Variants in ERC1 observed in about 807,000 individuals in gnomAD.
ERC1 encodes ELKS/RAB6-interacting/CAST family member 1.
In ERC1, 56 loss-of-function variants were observed where a neutral mutation model predicts 132.0. The ratio of observed to expected loss-of-function variants is 0.42; its 90% confidence interval spans 0.34 to 0.53. ERC1 has a LOEUF of 0.53. Among genes scored for constraint, ERC1 ranks in the 20% least tolerant of loss-of-function variants. The pLI, the probability that ERC1 is intolerant of heterozygous loss-of-function variation, is 0.03. For synonymous variants in ERC1, 478 were observed against 476.1 expected (o/e 1.00, Z -0.05); for missense variants, 1,202 against 1,349.9 (o/e 0.89, Z 1.72).
intron 2 of ERC1, among the ~76,000 whole-genome samples, chr12:1,032,468 T>C (rs1592818186): frequency 6.6e-6 from 1 of 152,224 alleles, no homozygotes; most frequent in East Asian, 1.9e-4. Context: ...TCAGTGTGTC[T>C]CATCCTTTAT....
intron 3 of ERC1, among the ~76,000 whole-genome samples, chr12:1,095,987 G>A (rs1171657271): frequency 2.0e-5 from 3 of 149,996 alleles, no homozygotes; most frequent in Non-Finnish European, 2.9e-5. Context: ...GTGCAGTGGC[G>A]TGATCTTGGC....
At chr12:1,446,632 A>G (rs1488999391) in intron 18 of ERC1, among the ~76,000 whole-genome samples, 1 of 152,214 alleles carries the variant, frequency 6.6e-6, no homozygotes, top group Non-Finnish European at 1.5e-5. Context: ...ATTAAAGATG[A>G]CAGTGAAAAC....
intron 1 of ERC1, among the ~76,000 whole-genome samples, chr12:992,711 C>T (rs1959846348): frequency 6.6e-6 from 1 of 152,208 alleles, no homozygotes; most frequent in Non-Finnish European, 1.5e-5. Context: ...ATCTTCTTTT[C>T]TGGATTCTTG....
intron 2 of ERC1, among the ~76,000 whole-genome samples, chr12:1,054,949 G>A (rs1262271422): frequency 1.3e-5 from 2 of 152,242 alleles, no homozygotes; most frequent in African/African-American, 4.8e-5. Flanking sequence ...TTAGCTTCAA[G>A]AATGGAATTA....
In ERC1 at chr12:1,006,499, T is replaced by G. The variant is rs1340974864; in HGVS notation, c.-157+15177T>G. 3.3e-5 allele frequency among the ~76,000 whole-genome samples: 5 copies of G among 152,210 alleles called. No homozygotes were observed. The East Asian group carries it at 7.7e-4, about 24-fold the overall frequency. On this transcript the variant is annotated intron_variant, in intron 1 of 18. Coordinates refer to ENST00000360905, the MANE Select transcript of ERC1 (RefSeq NM_178040.4). ...TCCACTCCTAAGTGATCTACCCACC[T>G]TGCCTCCTGCATAGCTGGGACTACA...
At chr12:1,225,508 G>A (rs569605939) in intron 12 of ERC1, among the ~76,000 whole-genome samples, 1 of 150,784 alleles carries the variant, frequency 6.6e-6, no homozygotes, top group Non-Finnish European at 1.5e-5. Context: ...TGGTTGATTG[G>A]ATAGGATGAG....
chr12:1,396,716 G>A (rs74059506), intron 16 of ERC1, among the ~76,000 whole-genome samples: 3,618 of 152,262 alleles, frequency 0.024, 161 homozygotes, highest in African/African-American at 0.084. Flanking sequence ...AGCCTATGCA[G>A]CAGCTGCCCA....
chr12:993,629 C>A (rs536763794), intron 1 of ERC1, among the ~76,000 whole-genome samples: 1 of 152,078 alleles, frequency 6.6e-6, no homozygotes, highest in Non-Finnish European at 1.5e-5. Flanking sequence ...CTTGGCCGGG[C>A]GCCGTGGCTC....
At chr12:1,428,024 T>C (rs2092690164) in intron 17 of ERC1, among the ~76,000 whole-genome samples, 1 of 152,196 alleles carries the variant, frequency 6.6e-6, no homozygotes, top group Non-Finnish European at 1.5e-5. Context: ...ACTCACTTGA[T>C]TTATTTATTA....
chr12:1,294,085 A>T (rs557392189), intron 15 of ERC1, among the ~76,000 whole-genome samples: 1 of 152,188 alleles, frequency 6.6e-6, no homozygotes, highest in Non-Finnish European at 1.5e-5. Flanking sequence ...TCTACAATCA[A>T]CTATCCCTTG....
chr12:1,242,930 G>A (rs1229686475), intron 13 of ERC1, among the ~76,000 whole-genome samples: 1 of 152,210 alleles, frequency 6.6e-6, no homozygotes, highest in Non-Finnish European at 1.5e-5. Flanking sequence ...GCTCACGCCT[G>A]TAATCCCAGC....
chr12:1,234,340 C>G (rs2075273065), intron 12 of ERC1, among the ~76,000 whole-genome samples: 1 of 152,194 alleles, frequency 6.6e-6, no homozygotes, highest in South Asian at 2.1e-4. Context: ...GAGTAAACAA[C>G]TGCTACTTTC....
chr12:1,179,014 A>G (rs1469164399), intron 8 of ERC1, among the ~76,000 whole-genome samples: 10 of 152,250 alleles, frequency 6.6e-5, no homozygotes, highest in Admixed American at 6.5e-4. Flanking sequence ...CCTTTAGCTT[A>G]TTAAGGATAG....
intron 2 of ERC1, among the ~76,000 whole-genome samples, chr12:1,079,247 TATACAGAG>T (rs1252871273): frequency 6.6e-6 from 1 of 151,282 alleles, no homozygotes; most frequent in Non-Finnish European, 1.5e-5. Flanking sequence ...CAAAAGTCGA[TATACAGAG>T]ATACAGATAG....
chr12:1,332,763 C>T (rs1458374530), intron 15 of ERC1, among the ~76,000 whole-genome samples: 5 of 152,154 alleles, frequency 3.3e-5, no homozygotes, highest in Admixed American at 3.3e-4. Context: ...TAGAAAAGAT[C>T]ATTTCAGGTT....
intron 17 of ERC1, among the ~76,000 whole-genome samples, chr12:1,415,250 G>T (rs1329739875): frequency 6.6e-6 from 1 of 152,212 alleles, no homozygotes; most frequent in Non-Finnish European, 1.5e-5. Context: ...GGAGCAGTTT[G>T]TGTGAACTGG....
intron 9 of ERC1, among the ~76,000 whole-genome samples, chr12:1,181,016 T>A (rs1954401428): frequency 6.6e-6 from 1 of 152,086 alleles, no homozygotes; most frequent in East Asian, 1.9e-4. Flanking sequence ...TTTTGCCATG[T>A]TGGCCAGACT....
At chr12:1,035,998 T>A (rs1041932335) in intron 2 of ERC1, among the ~76,000 whole-genome samples, 6 of 152,294 alleles carry the variant, frequency 3.9e-5, no homozygotes, top group African/African-American at 7.2e-5. Context: ...TCATACTTTT[T>A]AAATTATGCC....
At chr12:1,324,476 C>T (rs1026306920) in intron 15 of ERC1, among the ~76,000 whole-genome samples, 6 of 152,124 alleles carry the variant, frequency 3.9e-5, no homozygotes, top group African/African-American at 1.4e-4. Context: ...ACACCAAAGA[C>T]AAATATATAT....
Sources: allele counts gnomAD v4.1 joint callset (sites outside exome capture counted in the v4.1 genomes callset), GRCh38; gene constraint gnomAD v4.1.1; transcripts MANE v1.5; gene names NCBI Gene and HGNC (gene_info 2026-07-23, HGNC 2026-07-21).